Variants in ATAD3A observed in about 807,000 individuals in gnomAD.
ATAD3A encodes the protein ATPase family AAA domain-containing protein 3A.
Under a neutral mutation model 73.8 loss-of-function variants are expected in ATAD3A, and 46 were observed. That is an observed-to-expected ratio of 0.62 (90% CI 0.49 to 0.80). The LOEUF (loss-of-function observed/expected upper bound fraction) is 0.80, where lower values mean the gene tolerates loss of function less well. Among genes scored for constraint, ATAD3A ranks in the 30% least tolerant of loss-of-function variants. The probability of loss-of-function intolerance (pLI) is 0.00; values close to 1 mark genes in which losing one functional copy is unlikely to be tolerated. For missense variants in ATAD3A, 705 were observed against 838.0 expected (o/e 0.84, Z 1.96); for synonymous variants, 319 against 350.0 (o/e 0.91, Z 0.99).
chr1:1,518,834 G>T, intron 4 of ATAD3A, 87 bp from the exon 5 acceptor site: 1 of 1,596,814 alleles, frequency 6.3e-7, no homozygotes, highest in Non-Finnish European at 8.5e-7. Flanking sequence ...TCACCCCCCT[G>T]CACACTCGGG....
intron 7 of ATAD3A, among the ~76,000 whole-genome samples, chr1:1,522,347 A>T (rs1476532923): frequency 6.6e-6 from 1 of 152,134 alleles, no homozygotes; most frequent in East Asian, 1.9e-4. Flanking sequence ...AGCCAGCCTA[A>T]TTGATTTTTA....
At chr1:1,517,234 C>T (rs1018785302) in intron 2 of ATAD3A, 77 bp from the exon 3 acceptor site, 2 of 1,546,068 alleles carry the variant, frequency 1.3e-6, no homozygotes, top group African/African-American at 2.8e-5. Flanking sequence ...CGTGCCGGAG[C>T]CGTGCAGACA....
chr1:1,525,117 GA>G (rs1273069362), intron 11 of ATAD3A, 122 bp from the exon 12 acceptor site: 50 of 1,337,258 alleles, frequency 3.7e-5, no homozygotes, highest in African/African-American at 1.7e-4. Context: ...TAGGGCTGCT[GA>G]TGGGGCAGAG....
rs912279610 is a variant in ATAD3A at position 1,523,708 on chromosome 1, T to C, written c.964-131T>C. 2.4e-5 allele frequency: 38 copies of C among 1,587,190 alleles called. No homozygotes were observed. Among genetic ancestry groups the C allele is most frequent in the Non-Finnish European group, 3.1e-5 (36 of 1,164,752 alleles). On this transcript the variant is annotated intron_variant, in intron 9 of 15. Transcript: ENST00000378756. This position sits in a 1 kb window ranked among gnomAD's most constrained non-coding sequence, Gnocchi z 5.1. Reference sequence around the variant, plus strand: ...GCGACTGCTTGGACCGTGCTGGGGATAGATAGGCTGCCCCTGAGGTGGGAG... The same window carrying C: ...GCGACTGCTTGGACCGTGCTGGGGACAGATAGGCTGCCCCTGAGGTGGGAG...
At chr1:1,525,067 C>G (rs1185591178) in intron 11 of ATAD3A, among the ~76,000 whole-genome samples, 173 bp from the exon 12 acceptor site, 2 of 152,188 alleles carry the variant, frequency 1.3e-5, no homozygotes, top group Admixed American at 1.3e-4. Context: ...GGTCAGCTGC[C>G]CAGAGGCCAG....
Position 1,523,423 on chromosome 1 carries a change from C to G in ATAD3A, c.907-88C>G. ...GTGCTTTGGGGCAGCTCCGTTTCTGCGTGTTACCGAGCGTGTGTGTGCGCG... is the reference window on the plus strand; with the variant it reads ...GTGCTTTGGGGCAGCTCCGTTTCTGGGTGTTACCGAGCGTGTGTGTGCGCG... On this transcript the variant is annotated intron_variant, in intron 8 of 15. Transcript: ENST00000378756. The surrounding 1 kb of genome is among the most constrained non-coding windows in gnomAD (Gnocchi z 5.1). 1.3e-6 allele frequency: 2 copies of G among 1,543,946 alleles called. No homozygotes were observed. Among genetic ancestry groups the G allele is most frequent in the East Asian group, 2.4e-5 (1 of 41,142 alleles).
At chr1:1,531,964 T>C (rs1384315408) in intron 15 of ATAD3A, among the ~76,000 whole-genome samples, 1 of 152,090 alleles carries the variant, frequency 6.6e-6, no homozygotes, top group African/African-American at 2.4e-5. Context: ...TGAATTCTTT[T>C]CTCATAAAAG....
chr1:1,527,627 G>C (rs1473009711), intron 13 of ATAD3A, 68 bp from the exon 14 acceptor site: 3 of 1,526,666 alleles, frequency 2.0e-6, no homozygotes, highest in Non-Finnish European at 2.7e-6. Flanking sequence ...GGGCTGAGGA[G>C]GCCCCGTTCC....
chr1:1,514,404 G>A lies in ATAD3A; in HGVS notation c.206-1608G>A, dbSNP rs375420874. Among the ~76,000 whole-genome samples, 32 of 152,320 alleles carry A rather than the reference G, an allele frequency of 2.1e-4. No individual in the cohort carries two copies. The East Asian group carries it at 4.4e-3, about 21-fold the overall frequency. ...TCAGAGTGAGAGTGGTTGAGAGCCCGGGGTCGCTTCAGCCCTTGGCTTCCC... is the reference window on the plus strand; with the variant it reads ...TCAGAGTGAGAGTGGTTGAGAGCCCAGGGTCGCTTCAGCCCTTGGCTTCCC... On this transcript the variant is annotated intron_variant, in intron 1 of 15. Coordinates refer to ENST00000378756, the MANE Select transcript of ATAD3A (RefSeq NM_001170535.3).
chr1:1,520,745 C>T lies in ATAD3A; in HGVS notation c.750+128C>T. On this transcript the variant is annotated intron_variant, in intron 7 of 15. Coordinates refer to ENST00000378756, the MANE Select transcript of ATAD3A (RefSeq NM_001170535.3). This position sits in a 1 kb window ranked among gnomAD's most constrained non-coding sequence, Gnocchi z 4.0. ...TAGCTCTCCCAGCAGGGAGGAAGCC[C>T]ACGTTGTACCTGCTGGCCTCGGCTT... The T allele has an allele frequency of 2.8e-6, 4 of 1,433,190 alleles. No individual in the cohort carries two copies. In the South Asian group the frequency reaches 5.0e-5, roughly 18 times the overall value. The allele number at this position is 1,433,190 out of a possible 1,614,324, so 88.8% of individuals were successfully genotyped here.
chr1:1,513,821 C>T (rs985671054), intron 1 of ATAD3A, among the ~76,000 whole-genome samples: 30 of 151,986 alleles, frequency 2.0e-4, no homozygotes, highest in Admixed American at 1.9e-3. Flanking sequence ...CGAGATTCGG[C>T]CGGAGCCCAT....
rs1570321875 is a variant in ATAD3A, at chr1:1,516,993, A to T, written c.283-318A>T. On this transcript the variant is annotated intron_variant, in intron 2 of 15. Transcript: ENST00000378756. ...TCCCAAAGTGCTGGGATTATAAGCGAGAGCCGTCGCACCCGGTCCACTCAG... is the reference window on the plus strand; with the variant it reads ...TCCCAAAGTGCTGGGATTATAAGCGTGAGCCGTCGCACCCGGTCCACTCAG... 3 of 1,268,264 alleles carry T rather than the reference A, an allele frequency of 2.4e-6. No homozygotes were observed. The East Asian group carries it at 7.7e-5, about 33-fold the overall frequency. 78.6% of individuals were successfully genotyped at this position (1,268,264 alleles called of 1,614,324 possible). A position where few individuals can be genotyped will look rare whatever the true frequency, so the allele number is the denominator to read the frequency against.
chr1:1,520,750 T>C lies in ATAD3A; in HGVS notation c.750+133T>C. The C allele has an allele frequency of 1.4e-6, 2 of 1,412,410 alleles. No individual in the cohort carries two copies. Among genetic ancestry groups the C allele is most frequent in the Non-Finnish European group, 1.9e-6 (2 of 1,032,972 alleles). The allele number at this position is 1,412,410 out of a possible 1,614,324, so 87.5% of individuals were successfully genotyped here. ...CTCCCAGCAGGGAGGAAGCCCACGTTGTACCTGCTGGCCTCGGCTTCTCCT... is the reference window on the plus strand; with the variant it reads ...CTCCCAGCAGGGAGGAAGCCCACGTCGTACCTGCTGGCCTCGGCTTCTCCT... On this transcript the variant is annotated intron_variant, in intron 7 of 15. Transcript: ENST00000378756. The surrounding 1 kb of genome is among the most constrained non-coding windows in gnomAD (Gnocchi z 4.0).
chr1:1,529,043 C>G (rs1389395097), intron 14 of ATAD3A, among the ~76,000 whole-genome samples, 180 bp from the exon 15 acceptor site: 1 of 152,258 alleles, frequency 6.6e-6, no homozygotes, highest in African/African-American at 2.4e-5. Context: ...CAGCCACTCC[C>G]TGCTCAGTCC....
rs530835337 is a variant in ATAD3A at position 1,517,968 on chromosome 1, CAT to C, written c.444+194_444+195del. 2.5e-3 allele frequency among the ~76,000 whole-genome samples: 375 copies of C among 152,020 alleles called. 2 individuals are homozygous for C. The highest frequency in any genetic ancestry group is 8.1e-3 in the African/African-American group (337 of 41,404). On this transcript the variant is annotated intron_variant, in intron 4 of 15. Transcript: ENST00000378756. Reference sequence around the variant, plus strand: ...AGGCACACATGCAGACGTGTGCACACATGTACATGGAGACACAGGCACCTACC... The same window carrying C: ...AGGCACACATGCAGACGTGTGCACACGTACATGGAGACACAGGCACCTACC...
intron 13 of ATAD3A, among the ~76,000 whole-genome samples, chr1:1,526,818 G>A (rs962478758): frequency 1.3e-5 from 2 of 152,160 alleles, no homozygotes; most frequent in African/African-American, 2.4e-5. Flanking sequence ...AGGTTTCTGC[G>A]GTCCTGTGCC....
At chr1:1,533,018 T>C (rs6695186) in intron 15 of ATAD3A, among the ~76,000 whole-genome samples, 35,491 of 152,064 alleles carry the variant, frequency 0.23, 8,693 homozygotes, top group African/African-American at 0.61. Context: ...GGTGGGCGCT[T>C]GCAGAGGGGA....
In ATAD3A at chr1:1,523,596, G is replaced by A; in HGVS notation, c.963+29G>A. On this transcript the variant is annotated intron_variant, in intron 9 of 15. Transcript: ENST00000378756. The surrounding 1 kb of genome is among the most constrained non-coding windows in gnomAD (Gnocchi z 5.1). The stretch of plus-strand genomic sequence containing the variant: ...AGTCGGTGTGCCTGGGACCGGGGAG[G>A]CGCAGGGAGGGGACCCTGGAGCTGG... 1 of 1,612,366 alleles carries A rather than the reference G, an allele frequency of 6.2e-7. No homozygotes were observed.
At chr1:1,515,820 A>G (rs1570319464) in intron 1 of ATAD3A, among the ~76,000 whole-genome samples, 192 bp from the exon 2 acceptor site, 1 of 152,256 alleles carries the variant, frequency 6.6e-6, no homozygotes, top group Non-Finnish European at 1.5e-5. Context: ...TCACAAATGC[A>G]TCAGGCCGTG....
Sources: allele counts gnomAD v4.1 joint callset (sites outside exome capture counted in the v4.1 genomes callset), GRCh38; gene constraint gnomAD v4.1.1; non-coding constraint Gnocchi (gnomAD v3.1); transcripts MANE v1.5; gene names NCBI Gene and HGNC (gene_info 2026-07-23, HGNC 2026-07-21).